YTHDF2: variants seen among roughly 807,000 people sequenced by gnomAD.
YTHDF2 encodes the protein YTH N6-methyladenosine RNA binding protein F2.
In YTHDF2, 2 loss-of-function variants were observed where a neutral mutation model predicts 50.4. That is an observed-to-expected ratio of 0.04 (90% confidence interval 0.02 to 0.12). The LOEUF (loss-of-function observed/expected upper bound fraction) is 0.12, where lower values mean the gene tolerates loss of function less well. Ranked by LOEUF, YTHDF2 falls within the 10% of genes least tolerant of loss-of-function variation. The probability of loss-of-function intolerance (pLI) is 1.00; values close to 1 mark genes in which losing one functional copy is unlikely to be tolerated. For synonymous variants in YTHDF2, 217 were observed against 255.6 expected (o/e 0.85, Z 1.44); for missense variants, 483 against 722.6 (o/e 0.67, Z 3.80).
At chr1:28,746,680 G>A (rs573039370) in intron 4 of YTHDF2, among the ~76,000 whole-genome samples, 45 of 151,558 alleles carry the variant, frequency 3.0e-4, no homozygotes, top group African/African-American at 1.0e-3. Context: ...TAATTTCTTG[G>A]ACCCGGGAGG....
At chr1:28,742,360 T>C (rs1261393848) in intron 3 of YTHDF2, 43 bp from the exon 4 acceptor site, 2 of 1,522,456 alleles carry the variant, frequency 1.3e-6, no homozygotes, top group South Asian at 1.3e-5. Context: ...TAGCCTGATG[T>C]TAATTTTTTG....
chr1:28,765,650 C>T (rs1380817984), intron 4 of YTHDF2, among the ~76,000 whole-genome samples: 3 of 151,942 alleles, frequency 2.0e-5, no homozygotes, highest in Non-Finnish European at 4.4e-5. Context: ...CAGGGTCTCA[C>T]TATGTTGCCC....
chr1:28,739,826 A>C (rs535204927), intron 3 of YTHDF2, among the ~76,000 whole-genome samples: 82 of 152,352 alleles, frequency 5.4e-4, no homozygotes, highest in Non-Finnish European at 9.7e-4. Flanking sequence ...TTGATTCAGC[A>C]GTTCTTTTGT....
intron 4 of YTHDF2, among the ~76,000 whole-genome samples, chr1:28,761,370 T>C (rs552466918): frequency 2.5e-4 from 38 of 151,866 alleles, no homozygotes; most frequent in African/African-American, 9.2e-4. Context: ...ATTCCTGGGC[T>C]TAAGTGATCC....
At chr1:28,759,250 T>C (rs2088078889) in intron 4 of YTHDF2, among the ~76,000 whole-genome samples, 1 of 152,164 alleles carries the variant, frequency 6.6e-6, no homozygotes. Flanking sequence ...TGATAATAAA[T>C]ATATAGGTAC....
chr1:28,767,924 C>T lies in YTHDF2; in HGVS notation c.1717-1005C>T, dbSNP rs532306842. 4.0e-5 allele frequency among the ~76,000 whole-genome samples: 6 copies of T among 148,760 alleles called. 1 individual carries two copies. Among genetic ancestry groups the T allele is most frequent in the South Asian group, 4.5e-4 (2 of 4,484 alleles). ...TGTAAAATTTAAAAAATTCTGAGGCCGGGCGCGGTGGCTCACGCCTCTAAT... is the reference window on the plus strand; with the variant it reads ...TGTAAAATTTAAAAAATTCTGAGGCTGGGCGCGGTGGCTCACGCCTCTAAT... On this transcript the variant is annotated intron_variant, in intron 4 of 4. Coordinates refer to ENST00000373812, the MANE Select transcript of YTHDF2 (RefSeq NM_016258.3).
At chr1:28,736,929 G>A (rs2087696142), upstream of YTHDF2, 2 of 635,280 alleles carry the variant, frequency 3.1e-6, no homozygotes, top group Non-Finnish European at 5.3e-6. Flanking sequence ...CGGGCATTGA[G>A]CTCTTGGGCT....
rs1256714135 is a variant in YTHDF2 at position 28,737,288 on chromosome 1, GCCGCGCC to G, written c.27+143_27+149del. On this transcript the variant is annotated intron_variant, in intron 1 of 4. Coordinates refer to ENST00000373812, the MANE Select transcript of YTHDF2 (RefSeq NM_016258.3). ...GCCAGGTTTCGGGCCTCTCAGGCCGGCCGCGCCCGGCGCCTCTCCCTCAGCCTGTTCT... is the reference window on the plus strand; with the variant it reads ...GCCAGGTTTCGGGCCTCTCAGGCCGGCGGCGCCTCTCCCTCAGCCTGTTCT... The G allele has an allele frequency of 4.5e-6, 5 of 1,108,706 alleles. No homozygotes were observed. In the African/African-American group the frequency reaches 6.7e-5, roughly 15 times the overall value. The allele number at this position is 1,108,706 out of a possible 1,614,324, so 68.7% of individuals were successfully genotyped here. A position where few individuals can be genotyped will look rare whatever the true frequency, so the allele number is the denominator to read the frequency against.
Position 28,769,728 on chromosome 1 carries a change from T to A in YTHDF2, c.*776T>A, listed in dbSNP as rs1367242353. ...ATGAGGAAAGGGCATTGCCTTTCTT[T>A]TTACCATTAATCACTTCTCAATAAA... On this transcript the variant is annotated 3_prime_UTR_variant, in exon 5 of 5. Coordinates refer to ENST00000373812, the MANE Select transcript of YTHDF2 (RefSeq NM_016258.3). 2 of 152,656 alleles carry A rather than the reference T, an allele frequency of 1.3e-5. No homozygotes were observed. The highest frequency in any genetic ancestry group is 4.8e-5 in the African/African-American group (2 of 41,470). 9.5% of individuals were successfully genotyped at this position (152,656 alleles called of 1,614,324 possible).
chr1:28,748,925 A>G lies in YTHDF2; in HGVS notation c.1716+4939A>G, dbSNP rs141696749. On this transcript the variant is annotated intron_variant, in intron 4 of 4. Coordinates refer to ENST00000373812, the MANE Select transcript of YTHDF2 (RefSeq NM_016258.3). ...TCTAATTAAAATAACACTACACTGA[A>G]CATCCTTTTGTATAAATATTTACAT... Among the ~76,000 whole-genome samples, 51 of 152,310 alleles carry G rather than the reference A, an allele frequency of 3.3e-4. No homozygotes were observed. In the East Asian group the frequency reaches 6.5e-3, roughly 20 times the overall value.
At chr1:28,738,231 A>G in intron 2 of YTHDF2, 28 bp from the exon 3 acceptor site, 3 of 1,558,646 alleles carry the variant, frequency 1.9e-6, no homozygotes, top group Non-Finnish European at 2.7e-6. Context: ...GGATTGGGAC[A>G]CTCCTAATTG....
At chr1:28,748,741 C>T (rs1426271459) in intron 4 of YTHDF2, among the ~76,000 whole-genome samples, 1 of 152,144 alleles carries the variant, frequency 6.6e-6, no homozygotes, top group Non-Finnish European at 1.5e-5. Context: ...TTGAATACTG[C>T]AGATACTATT....
chr1:28,740,440 CTAA>C (rs2087758234), intron 3 of YTHDF2: 1 of 152,076 alleles, frequency 6.6e-6, no homozygotes, highest in African/African-American at 2.4e-5. Flanking sequence ...AAAAATTTGG[CTAA>C]TAATATAAAT....
At chr1:28,757,330 A>G (rs1273120419) in intron 4 of YTHDF2, among the ~76,000 whole-genome samples, 1 of 152,226 alleles carries the variant, frequency 6.6e-6, no homozygotes, top group African/African-American at 2.4e-5. Context: ...AATTGGGTCT[A>G]AAAGGATGGG....
chr1:28,736,644 A>G (rs1197440009), upstream of YTHDF2: 1 of 157,832 alleles, frequency 6.3e-6, no homozygotes, highest in Non-Finnish European at 1.4e-5. Flanking sequence ...GTTAGTCGAA[A>G]CCTCGTGGTG....
At position 28,769,261 on chromosome 1, in the gene YTHDF2, T is replaced by G. The variant is rs909179239; in HGVS notation, c.*309T>G. On this transcript the variant is annotated 3_prime_UTR_variant, in exon 5 of 5. Transcript: ENST00000373812. Reference sequence around the variant, plus strand: ...TGTTTTTTTGTCTTTTTACTATGTTTTTCGGATTTTTAAGTCCGTAAGTGC... The same window carrying G: ...TGTTTTTTTGTCTTTTTACTATGTTGTTCGGATTTTTAAGTCCGTAAGTGC... 1 of 210,354 alleles carries G rather than the reference T, an allele frequency of 4.8e-6. No homozygotes were observed. Among genetic ancestry groups the G allele is most frequent in the Admixed American group, 5.8e-5 (1 of 17,194 alleles). 13.0% of individuals were successfully genotyped at this position (210,354 alleles called of 1,614,324 possible). A position where few individuals can be genotyped will look rare whatever the true frequency, so the allele number is the denominator to read the frequency against.
At chr1:28,766,573 C>A (rs1363299132) in intron 4 of YTHDF2, among the ~76,000 whole-genome samples, 1 of 152,064 alleles carries the variant, frequency 6.6e-6, no homozygotes, top group Non-Finnish European at 1.5e-5. Context: ...TGTTGTCCAC[C>A]AGGTTCTCCA....
At chr1:28,745,295 A>G (rs778065293) in intron 4 of YTHDF2, among the ~76,000 whole-genome samples, 6 of 152,206 alleles carry the variant, frequency 3.9e-5, no homozygotes. Context: ...GTACAGATTA[A>G]TAAGAAATGG....
At chr1:28,765,105 A>G (rs1180360128) in intron 4 of YTHDF2, among the ~76,000 whole-genome samples, 3 of 152,118 alleles carry the variant, frequency 2.0e-5, no homozygotes, top group East Asian at 2.0e-4. Flanking sequence ...GGCTCACTGC[A>G]TCCTCCTGCC....
Sources: gnomAD v4.1 joint callset for allele counts (sites outside exome capture counted in the v4.1 genomes callset) on GRCh38, gnomAD v4.1.1 for gene constraint, MANE v1.5 for transcripts, NCBI Gene and HGNC (gene_info 2026-07-23, HGNC 2026-07-21) for gene names.